BORCS8: variants seen among roughly 807,000 people sequenced by gnomAD.
BORCS8 encodes the protein BLOC-1-related complex subunit 8.
A neutral mutation model predicts 18.7 loss-of-function variants in BORCS8; 13 were observed. The ratio of observed to expected loss-of-function variants is 0.70; its 90% CI spans 0.45 to 1.11. The LOEUF is 1.11. Among genes scored for constraint, BORCS8 ranks in the 50% least tolerant of loss-of-function variants. The pLI is 0.00. For synonymous variants in BORCS8, 68 were observed against 64.8 expected, an observed-to-expected ratio of 1.05 and a Z score of -0.24; for missense variants, 165 against 165.7, an observed-to-expected ratio of 1.00 and a Z score of 0.02.
chr19:19,180,656 G>C, intron 5 of BORCS8, 30 bp downstream of exon 5: 1 of 1,444,472 alleles, frequency 6.9e-7, no homozygotes, highest in Non-Finnish European at 9.5e-7. Context: ...AGAGCAGAGA[G>C]AGAGGCTCGT....
intron 1 of BORCS8, among the ~76,000 whole-genome samples, chr19:19,189,471 G>C (rs1285675960): frequency 6.6e-6 from 1 of 152,150 alleles, no homozygotes; most frequent in Non-Finnish European, 1.5e-5. Flanking sequence ...CCACCTGCCA[G>C]AGAATAAAAT....
chr19:19,184,328 C>T (rs1370209404), intron 3 of BORCS8, among the ~76,000 whole-genome samples: 5 of 116,678 alleles, frequency 4.3e-5, no homozygotes, highest in Admixed American at 2.2e-4. Flanking sequence ...TTTTTTGAGA[C>T]GGAGTCTCGC....
intron 2 of BORCS8, 128 bp downstream of exon 2, chr19:19,186,765 C>T (rs934972606): frequency 9.6e-6 from 6 of 622,166 alleles, no homozygotes; most frequent in Non-Finnish European, 1.6e-5. Flanking sequence ...CCATCTCCTT[C>T]AAAATCTATC....
chr19:19,188,473 T>G (rs561743865), intron 1 of BORCS8, among the ~76,000 whole-genome samples: 1 of 152,082 alleles, frequency 6.6e-6, no homozygotes, highest in Admixed American at 6.5e-5. Flanking sequence ...TGAACTCTTC[T>G]CATCTTTCCC....
chr19:19,180,882 T>C lies in BORCS8; in HGVS notation c.327-121A>G, dbSNP rs1004973636. Reference sequence around the variant, plus strand: ...CTCAAAGACCTCTGGCTTGAGCTTCTGGGGCATCCTGCTTAAAAGTGGGAT... The same window carrying C: ...CTCAAAGACCTCTGGCTTGAGCTTCCGGGGCATCCTGCTTAAAAGTGGGAT... On this transcript the variant is annotated intron_variant, in intron 4 of 5. Coordinates refer to ENST00000462790, the MANE Select transcript of BORCS8 (RefSeq NM_001145784.2). The C allele has an allele frequency of 3.8e-6, 4 of 1,046,206 alleles. No homozygotes were observed. In the African/African-American group the frequency reaches 4.9e-5, roughly 13 times the overall value. The allele number at this position is 1,046,206 out of a possible 1,614,324, so 64.8% of individuals were successfully genotyped here.
chr19:19,192,067 C>T lies in BORCS8; in HGVS notation c.37+14G>A, dbSNP rs1449440414. 1.9e-6 allele frequency: 3 copies of T among 1,551,164 alleles called. No individual in the cohort carries two copies. The highest frequency in any genetic ancestry group is 2.0e-5 in the Admixed American group (1 of 50,968). On this transcript the variant is annotated intron_variant, in intron 1 of 5. Transcript: ENST00000462790. Reference sequence around the variant, plus strand: ...TTACCGGCCCCCTCTGTCCCGCCCGCAGGCCCGCACCACCTTTCTTCCCCT... The same window carrying T: ...TTACCGGCCCCCTCTGTCCCGCCCGTAGGCCCGCACCACCTTTCTTCCCCT...
chr19:19,181,016 G>A (rs1332025843), intron 4 of BORCS8, among the ~76,000 whole-genome samples: 2 of 151,030 alleles, frequency 1.3e-5, no homozygotes, highest in African/African-American at 2.4e-5. Context: ...CCAACATGGC[G>A]AAACCCCGTC....
intron 5 of BORCS8, chr19:19,180,295 G>A (rs1183832528): frequency 4.3e-6 from 1 of 230,336 alleles, no homozygotes; most frequent in Non-Finnish European, 8.7e-6. Context: ...CCAGAGATAG[G>A]TGGGTAATTG....
At chr19:19,181,195 GA>G (rs34972463) in intron 4 of BORCS8, among the ~76,000 whole-genome samples, 214 of 129,680 alleles carry the variant, frequency 1.7e-3, no homozygotes, top group South Asian at 3.4e-3. Flanking sequence ...GCTCTGTCTT[GA>G]AAAAAAAAAA....
At chr19:19,187,094 A>AG (rs1408088913) in intron 1 of BORCS8, 89 bp from the exon 2 acceptor site, 1 of 998,734 alleles carries the variant, frequency 1.0e-6, no homozygotes, top group East Asian at 2.7e-5. Context: ...GCCAGAGCAA[A>AG]GGGGGCATCT....
In BORCS8 at chr19:19,186,911, G is replaced by T; in HGVS notation, c.132C>A (p.Pro44=). ...RLQEHVRRSL[P]ELAQHKADMQ... ...AGCTCACCTTGTGCTGGGCCAGCTC[G>T]GGGAGGGAGCGACGCACATGCTCCT... The change falls in exon 2 of 6, where the codon CCC becomes CCA. Residue 44 remains proline (P), a synonymous_variant. Coordinates refer to ENST00000462790, the MANE Select transcript of BORCS8 (RefSeq NM_001145784.2). 6.5e-7 allele frequency: 1 copy of T among 1,549,970 alleles called. No homozygotes were observed.
At chr19:19,187,100 C>A in intron 1 of BORCS8, 95 bp from the exon 2 acceptor site, 1 of 917,550 alleles carries the variant, frequency 1.1e-6, no homozygotes, top group Admixed American at 2.3e-5. Context: ...GCAAAGGGGG[C>A]ATCTGGCGTG....
At chr19:19,181,626 G>A (rs2060349937) in intron 4 of BORCS8, among the ~76,000 whole-genome samples, 1 of 152,218 alleles carries the variant, frequency 6.6e-6, no homozygotes, top group Admixed American at 6.5e-5. Context: ...CCATGGCAGA[G>A]AAGCCAGATG....
chr19:19,191,814 T>G (rs1301075148), intron 1 of BORCS8, among the ~76,000 whole-genome samples: 2 of 152,102 alleles, frequency 1.3e-5, no homozygotes, highest in Admixed American at 1.3e-4. Flanking sequence ...CAAGCGATCC[T>G]CCCGCCTAGG....
chr19:19,186,543 A>G (rs1395117854), intron 2 of BORCS8, among the ~76,000 whole-genome samples: 2 of 152,038 alleles, frequency 1.3e-5, no homozygotes, highest in African/African-American at 4.8e-5. Context: ...TGGTTTTAAT[A>G]AGGGGCCTCC....
chr19:19,182,518 G>C lies in BORCS8; in HGVS notation c.326+55C>G, dbSNP rs1217215339. ...AAGCAGCGGTTCCCAGCGCAGCTGA[G>C]AGACGGTCCTTGCAGCTGGGAGTGG... On this transcript the variant is annotated intron_variant, in intron 4 of 5. Coordinates refer to ENST00000462790, the MANE Select transcript of BORCS8 (RefSeq NM_001145784.2). This position sits in a 1 kb window ranked among gnomAD's most constrained non-coding sequence, Gnocchi z 4.1. 6.5e-7 allele frequency: 1 copy of C among 1,532,588 alleles called. No individual in the cohort carries two copies. Among genetic ancestry groups the C allele is most frequent in the African/African-American group, 1.4e-5 (1 of 72,592 alleles). The allele number at this position is 1,532,588 out of a possible 1,614,324, so 94.9% of individuals were successfully genotyped here.
chr19:19,185,501 C>T (rs551824739), intron 3 of BORCS8, among the ~76,000 whole-genome samples: 1 of 152,308 alleles, frequency 6.6e-6, no homozygotes, highest in South Asian at 2.1e-4. Flanking sequence ...GCCTGGCCAA[C>T]ATGGCGAAAC....
At chr19:19,179,650 C>T (rs901827873) in intron 5 of BORCS8, 1 of 152,660 alleles carries the variant, frequency 6.6e-6, no homozygotes, top group South Asian at 2.1e-4. Flanking sequence ...CCCCAGGGCC[C>T]CTTTGACCTG....
In BORCS8 at chr19:19,182,823, A is replaced by G; in HGVS notation, c.216-140T>C. 1.8e-6 allele frequency: 2 copies of G among 1,123,254 alleles called. No individual in the cohort carries two copies. Among genetic ancestry groups the G allele is most frequent in the East Asian group, 5.3e-5 (2 of 37,998 alleles). The allele number at this position is 1,123,254 out of a possible 1,614,324, so 69.6% of individuals were successfully genotyped here. ...TTCCCGAAGGACTCACAGTGGGCTTACATTTTAGATTTCCCTGCTATGACT... is the reference window on the plus strand; with the variant it reads ...TTCCCGAAGGACTCACAGTGGGCTTGCATTTTAGATTTCCCTGCTATGACT... On this transcript the variant is annotated intron_variant, in intron 3 of 5. Transcript: ENST00000462790. This position sits in a 1 kb window ranked among gnomAD's most constrained non-coding sequence, Gnocchi z 4.1.
Sources: allele counts gnomAD v4.1 joint callset (sites outside exome capture counted in the v4.1 genomes callset), GRCh38; gene constraint gnomAD v4.1.1; non-coding constraint Gnocchi (gnomAD v3.1); transcripts MANE v1.5; gene names NCBI Gene and HGNC (gene_info 2026-07-23, HGNC 2026-07-21).